Variants in NEGR1 observed in about 807,000 individuals in gnomAD.
NEGR1 encodes IgLON family member 4.
In NEGR1, 10 loss-of-function variants were observed where a neutral mutation model predicts 40.9. The ratio of observed to expected loss-of-function variants is 0.24; its 90% CI spans 0.15 to 0.42. The LOEUF (loss-of-function observed/expected upper bound fraction) is 0.42. NEGR1 is among the 10% of genes least tolerant of loss of function. The pLI is 1.00. For missense variants in NEGR1, 352 were observed against 438.9 expected, an observed-to-expected ratio of 0.80 and a Z score of 1.77; for synonymous variants, 185 against 166.8, an observed-to-expected ratio of 1.11 and a Z score of -0.84.
At chr1:72,063,988 A>T (rs1301558107) in intron 1 of NEGR1, among the ~76,000 whole-genome samples, 1 of 151,986 alleles carries the variant, frequency 6.6e-6, no homozygotes, top group Non-Finnish European at 1.5e-5. Flanking sequence ...TTTCAATTTC[A>T]GTTTAAGAAA....
At chr1:72,220,875 T>C (rs1206584485) in intron 1 of NEGR1, among the ~76,000 whole-genome samples, 1 of 151,462 alleles carries the variant, frequency 6.6e-6, no homozygotes, top group African/African-American at 2.4e-5. Context: ...TATAATTATC[T>C]TTTAGATTTT....
At chr1:72,278,135 T>G (rs2100568303) in intron 1 of NEGR1, among the ~76,000 whole-genome samples, 1 of 152,308 alleles carries the variant, frequency 6.6e-6, no homozygotes, top group African/African-American at 2.4e-5. Context: ...TCTTCCGTAT[T>G]AGAGTATCAT....
chr1:71,788,168 T>A (rs538207906), intron 2 of NEGR1, among the ~76,000 whole-genome samples: 80 of 152,192 alleles, frequency 5.3e-4, no homozygotes, highest in African/African-American at 1.5e-3. Context: ...TTTATTTTTT[T>A]AAAAAAATAT....
At chr1:72,043,108 T>C (rs1182934794) in intron 1 of NEGR1, among the ~76,000 whole-genome samples, 1 of 151,948 alleles carries the variant, frequency 6.6e-6, no homozygotes, top group Non-Finnish European at 1.5e-5. Context: ...AAATTACCTG[T>C]ATAGCCCATG....
At position 71,444,371 on chromosome 1, in the gene NEGR1, A is replaced by AAT. The variant is rs1569879042; in HGVS notation, c.941-36802_941-36801insAT. ...TACTTAAATGAATGGGCATGGCTAT[A>AAT]TTGCAATAAAATTTTATTTATTATA... On this transcript the variant is annotated intron_variant, in intron 6 of 6. Coordinates refer to ENST00000357731, the MANE Select transcript of NEGR1 (RefSeq NM_173808.3). 3.9e-5 allele frequency among the ~76,000 whole-genome samples: 6 copies of AAT among 152,268 alleles called. No individual in the cohort carries two copies. The East Asian group carries it at 1.2e-3, about 29-fold the overall frequency.
intron 6 of NEGR1, among the ~76,000 whole-genome samples, chr1:71,487,219 G>A (rs1646893401): frequency 1.3e-5 from 2 of 151,602 alleles, no homozygotes; most frequent in African/African-American, 4.8e-5. Context: ...AGTTCTTGCT[G>A]AAATAATCCT....
At chr1:71,722,598 A>G (rs935060162) in intron 3 of NEGR1, among the ~76,000 whole-genome samples, 10 of 152,120 alleles carry the variant, frequency 6.6e-5, no homozygotes, top group African/African-American at 2.2e-4. Context: ...GAATTTAGAT[A>G]GATGTGGGTT....
In NEGR1 at chr1:71,396,271, A is replaced by G. The variant is rs796795077; in HGVS notation, c.*11175T>C. ...GGGTGCCTTTTTCTTCAGTTTGATC[A>G]TAGTGTCCTAAACATCCAGATTAAC... On this transcript the variant is annotated 3_prime_UTR_variant, in exon 7 of 7. Transcript: ENST00000357731. The G allele has an allele frequency of 2.6e-5, 4 of 152,264 alleles. No homozygotes were observed. Among genetic ancestry groups the G allele is most frequent in the African/African-American group, 9.6e-5 (4 of 41,554 alleles). 9.4% of individuals were successfully genotyped at this position (152,264 alleles called of 1,614,324 possible). A position where few individuals can be genotyped will look rare whatever the true frequency, so the allele number is the denominator to read the frequency against.
intron 2 of NEGR1, among the ~76,000 whole-genome samples, chr1:71,928,941 T>C (rs553534266): frequency 6.6e-6 from 1 of 152,208 alleles, no homozygotes; most frequent in South Asian, 2.1e-4. Flanking sequence ...AAGTAAATAA[T>C]GATTTATGGT....
intron 2 of NEGR1, among the ~76,000 whole-genome samples, chr1:71,864,075 A>G (rs1429834380): frequency 6.6e-6 from 1 of 152,186 alleles, no homozygotes; most frequent in Non-Finnish European, 1.5e-5. Context: ...TTTAGGTGGC[A>G]GTAAATTATA....
intron 4 of NEGR1, among the ~76,000 whole-genome samples, chr1:71,627,485 G>A (rs1224455392): frequency 6.6e-6 from 1 of 151,914 alleles, no homozygotes; most frequent in East Asian, 1.9e-4. Flanking sequence ...TTAGACTAAT[G>A]CCATTTTTTA....
rs1646263671 is a variant in NEGR1, at chr1:71,404,240, A to G, written c.*3206T>C. 6.6e-6 allele frequency: 1 copy of G among 151,418 alleles called. No homozygotes were observed. Among genetic ancestry groups the G allele is most frequent in the Non-Finnish European group, 1.5e-5 (1 of 67,598 alleles). 9.4% of individuals were successfully genotyped at this position (151,418 alleles called of 1,614,324 possible). A position where few individuals can be genotyped will look rare whatever the true frequency, so the allele number is the denominator to read the frequency against. ...ACTTTCTAGATATAGCTTAAATGTTATGATGAAGCATTAATTTTTCAGTTA... is the reference window on the plus strand; with the variant it reads ...ACTTTCTAGATATAGCTTAAATGTTGTGATGAAGCATTAATTTTTCAGTTA... On this transcript the variant is annotated 3_prime_UTR_variant, in exon 7 of 7. Coordinates refer to ENST00000357731, the MANE Select transcript of NEGR1 (RefSeq NM_173808.3).
At chr1:72,189,316 A>G (rs1652728957) in intron 1 of NEGR1, among the ~76,000 whole-genome samples, 1 of 151,542 alleles carries the variant, frequency 6.6e-6, no homozygotes, top group South Asian at 2.1e-4. Flanking sequence ...ATGTACTTGG[A>G]ATTTCAGACT....
Position 72,282,476 on chromosome 1 carries a change from C to CCAA in NEGR1, c.16_18dup (p.Leu6dup). The CCAA allele has an allele frequency of 6.2e-7, 1 of 1,613,156 alleles. No homozygotes were observed. The highest frequency in any genetic ancestry group is 8.5e-7 in the Non-Finnish European group (1 of 1,179,974). ...TGGTTCGAGCAACAAGCACCCTGCA[C>CCAA]CAACAGCATCATGTCCATCCCTGCT... On this transcript the variant is annotated inframe_insertion, in exon 1 of 7. Transcript: ENST00000357731.
chr1:71,868,123 G>A (rs578084402), intron 2 of NEGR1, among the ~76,000 whole-genome samples: 2 of 152,174 alleles, frequency 1.3e-5, no homozygotes, highest in East Asian at 3.9e-4. Flanking sequence ...GTCAATGTCA[G>A]TATACCATGT....
At chr1:71,881,082 C>T (rs372912329) in intron 2 of NEGR1, among the ~76,000 whole-genome samples, 1 of 151,990 alleles carries the variant, frequency 6.6e-6, no homozygotes, top group African/African-American at 2.4e-5. Flanking sequence ...TTTTTACCTA[C>T]ACAGGATTCT....
chr1:71,541,330 T>C (rs891122243), intron 6 of NEGR1, among the ~76,000 whole-genome samples: 1 of 151,714 alleles, frequency 6.6e-6, no homozygotes, highest in Admixed American at 6.6e-5. Context: ...TCTGACATAA[T>C]AGAAGAAAGC....
At chr1:71,851,037 C>T (rs1232507187) in intron 2 of NEGR1, among the ~76,000 whole-genome samples, 1 of 152,096 alleles carries the variant, frequency 6.6e-6, no homozygotes, top group Non-Finnish European at 1.5e-5. Context: ...GCGTGTGTTT[C>T]CTGTGGGCCT....
At chr1:72,184,417 C>T (rs1217791154) in intron 1 of NEGR1, among the ~76,000 whole-genome samples, 1 of 151,880 alleles carries the variant, frequency 6.6e-6, no homozygotes, top group Non-Finnish European at 1.5e-5. Context: ...GAAAAATGTG[C>T]AAGAGCTTTT....
Sources: gnomAD v4.1 joint callset for allele counts (sites outside exome capture counted in the v4.1 genomes callset) on GRCh38, gnomAD v4.1.1 for gene constraint, MANE v1.5 for transcripts, NCBI Gene and HGNC (gene_info 2026-07-23, HGNC 2026-07-21) for gene names.